Variants in ANO2 observed in about 807,000 individuals in gnomAD.
The protein encoded by ANO2 is anoctamin 2.
Under a neutral mutation model 124.2 loss-of-function variants are expected in ANO2, and 101 were observed. That is an observed-to-expected ratio of 0.81 (90% confidence interval 0.69 to 0.96). The LOEUF is 0.96. Ranked by LOEUF, ANO2 falls within the 40% of genes least tolerant of loss-of-function variation. The pLI is 0.00. For missense variants in ANO2, 1,293 were observed against 1,274.5 expected (o/e 1.01, Z -0.22); for synonymous variants, 486 against 482.5 (o/e 1.01, Z -0.09).
intron 3 of ANO2, among the ~76,000 whole-genome samples, chr12:5,892,067 GA>G (rs371460304): frequency 4.1e-5 from 6 of 145,068 alleles, no homozygotes; most frequent in Admixed American, 1.4e-4. Context: ...GACATTTTCA[GA>G]AAAAAAAAAT....
At chr12:5,660,535 C>T (rs1336717055) in intron 14 of ANO2, among the ~76,000 whole-genome samples, 1 of 151,384 alleles carries the variant, frequency 6.6e-6, no homozygotes, top group Non-Finnish European at 1.5e-5. Context: ...TCCAGCATCA[C>T]TCCCACAATG....
rs375854022 is a variant in ANO2, at chr12:5,854,111, T to C, written c.565A>G (p.Ile189Val). 3 of 1,613,084 alleles carry C rather than the reference T, an allele frequency of 1.9e-6. No individual in the cohort carries two copies. Among genetic ancestry groups the C allele is most frequent in the African/African-American group, 1.3e-5 (1 of 74,848 alleles). ...NKSQGSIFVR[I>V]HAPWQVLARE... The stretch of plus-strand genomic sequence containing the variant: ...GCCAGCACCTGCCACGGGGCGTGTA[T>C]CCGGACAAAGATGGATCCCTGGCTT... Residue 189 changes from isoleucine to valine, a missense_variant, in exon 4 of 25, where the codon ATA (isoleucine) becomes GTA (valine). Ile to Val is a conservative substitution (Grantham distance 29). Transcript: ENST00000682330.
intron 19 of ANO2, among the ~76,000 whole-genome samples, chr12:5,604,282 T>TAAGGAGGAG (rs1193342340): frequency 1.2e-3 from 183 of 149,380 alleles, no homozygotes; most frequent in Admixed American, 2.2e-3. Context: ...TTGATGAGGA[T>TAAGGAGGAG]GAGGAGGAGG....
At chr12:5,890,170 G>C (rs969496353) in intron 3 of ANO2, among the ~76,000 whole-genome samples, 1 of 152,156 alleles carries the variant, frequency 6.6e-6, no homozygotes, top group South Asian at 2.1e-4. Flanking sequence ...TGGGGAAGAT[G>C]ACAAGGCCTC....
At chr12:5,944,530 A>G (rs1943017840) in intron 1 of ANO2, among the ~76,000 whole-genome samples, 1 of 152,218 alleles carries the variant, frequency 6.6e-6, no homozygotes, top group African/African-American at 2.4e-5. Context: ...TCCCTGTCCC[A>G]GGCAAAGTCA....
intron 14 of ANO2, among the ~76,000 whole-genome samples, chr12:5,704,710 T>C (rs1260157500): frequency 3.3e-5 from 5 of 151,894 alleles, no homozygotes; most frequent in Non-Finnish European, 7.4e-5. Context: ...TGTGTGTGTG[T>C]GTGTGTGTGT....
chr12:5,670,746 C>T (rs1263201695), intron 14 of ANO2, among the ~76,000 whole-genome samples: 1 of 152,002 alleles, frequency 6.6e-6, no homozygotes, highest in Non-Finnish European at 1.5e-5. Flanking sequence ...CTTCATGTTG[C>T]CCACGTTGAT....
At chr12:5,615,074 A>AG (rs1476314275) in intron 17 of ANO2, 112 bp downstream of exon 17, 1 of 719,766 alleles carries the variant, frequency 1.4e-6, no homozygotes, top group African/African-American at 1.8e-5. Flanking sequence ...GGGGCGGAGA[A>AG]GGGGCTGACG....
At chr12:5,808,369 C>G (rs552936257) in intron 7 of ANO2, among the ~76,000 whole-genome samples, 1 of 152,180 alleles carries the variant, frequency 6.6e-6, no homozygotes, top group Admixed American at 6.5e-5. Flanking sequence ...TTGTTTCATT[C>G]TTGGTTTTTT....
At chr12:5,713,547 G>C (rs1949896177) in intron 14 of ANO2, among the ~76,000 whole-genome samples, 1 of 152,138 alleles carries the variant, frequency 6.6e-6, no homozygotes, top group South Asian at 2.1e-4. Flanking sequence ...TGCCAACATT[G>C]TCATCGGCAT....
intron 1 of ANO2, among the ~76,000 whole-genome samples, chr12:5,941,698 C>T (rs1423460776): frequency 6.7e-6 from 1 of 149,518 alleles, no homozygotes; most frequent in Non-Finnish European, 1.5e-5. Flanking sequence ...CACCTAGATA[C>T]ATCAGAGTCA....
rs115881317 is a variant in ANO2 at position 5,908,264 on chromosome 12, A to T, written c.534+12776T>A. Among the ~76,000 whole-genome samples the T allele has an allele frequency of 0.011, 1,730 of 152,280 alleles. 35 individuals are homozygous for T. The highest frequency in any genetic ancestry group is 0.039 in the African/African-American group (1,637 of 41,564). Reference sequence around the variant, plus strand: ...AGGCCTGAGAAGCCTTCACCCTCCAACGGCCTGTGGATGAGCTAAGTGTAA... The same window carrying T: ...AGGCCTGAGAAGCCTTCACCCTCCATCGGCCTGTGGATGAGCTAAGTGTAA... On this transcript the variant is annotated intron_variant, in intron 3 of 24. Transcript: ENST00000682330. The surrounding 1 kb of genome is among the most constrained non-coding windows in gnomAD (Gnocchi z 4.7).
intron 20 of ANO2, among the ~76,000 whole-genome samples, chr12:5,583,028 G>A (rs1565436899): frequency 1.3e-5 from 2 of 152,062 alleles, no homozygotes; most frequent in Non-Finnish European, 2.9e-5. Flanking sequence ...TTGAGACCAG[G>A]GGCCTTATTT....
At chr12:5,726,553 A>AT (rs777902923) in intron 14 of ANO2, among the ~76,000 whole-genome samples, 21 of 152,194 alleles carry the variant, frequency 1.4e-4, no homozygotes, top group Admixed American at 7.2e-4. Context: ...TCTGCCATGT[A>AT]TTATCATTGA....
chr12:5,619,214 T>C (rs756585602), intron 16 of ANO2, among the ~76,000 whole-genome samples: 2 of 152,164 alleles, frequency 1.3e-5, no homozygotes, highest in Non-Finnish European at 1.5e-5. Context: ...CAGAGAAAAC[T>C]CAATGGGATT....
In ANO2 at chr12:5,863,789, CTT is replaced by C. The variant is rs1358145734; in HGVS notation, c.535-9650_535-9649del. On this transcript the variant is annotated intron_variant, in intron 3 of 24. Coordinates refer to ENST00000682330, the MANE Select transcript of ANO2 (RefSeq NM_001364791.2). ...TAAAACAATGCAACACTTCTTGTAA[CTT>C]TTTTTGTTTTAAAAAATCATTATTT... is the stretch of plus-strand genomic sequence containing the variant. Among the ~76,000 whole-genome samples, 18 of 151,930 alleles carry C rather than the reference CTT, an allele frequency of 1.2e-4. 1 individual carries two copies. Among genetic ancestry groups the C allele is most frequent in the Admixed American group, 9.2e-4 (14 of 15,262 alleles).
chr12:5,600,337 C>G (rs1943876937), intron 19 of ANO2, among the ~76,000 whole-genome samples: 1 of 152,194 alleles, frequency 6.6e-6, no homozygotes, highest in East Asian at 1.9e-4. Context: ...AAATTCAACC[C>G]TTTTCGACTT....
chr12:5,641,214 G>C (rs1946369947), intron 15 of ANO2, among the ~76,000 whole-genome samples: 1 of 150,990 alleles, frequency 6.6e-6, no homozygotes. Context: ...TCACACATTG[G>C]GGCCTGTCAG....
chr12:5,640,010 C>T (rs1209111394), intron 15 of ANO2, among the ~76,000 whole-genome samples: 2 of 152,054 alleles, frequency 1.3e-5, no homozygotes, highest in East Asian at 1.9e-4. Context: ...TCCGACAATT[C>T]CCCCCTTACA....
Sources: allele counts gnomAD v4.1 joint callset (sites outside exome capture counted in the v4.1 genomes callset), GRCh38; gene constraint gnomAD v4.1.1; non-coding constraint Gnocchi (gnomAD v3.1); transcripts MANE v1.5; gene names NCBI Gene and HGNC (gene_info 2026-07-23, HGNC 2026-07-21).